GABRB1: variants seen among roughly 807,000 people sequenced by gnomAD.
The protein encoded by GABRB1 is gamma-aminobutyric acid type A receptor subunit beta1.
Under a neutral mutation model 51.6 loss-of-function variants are expected in GABRB1, and 17 were observed. That is an observed-to-expected ratio of 0.33 (90% CI 0.23 to 0.49). The LOEUF is 0.49. Among genes scored for constraint, GABRB1 ranks in the 20% least tolerant of loss-of-function variants. The probability of loss-of-function intolerance (pLI) is 0.99; values close to 1 mark genes in which losing one functional copy is unlikely to be tolerated. For synonymous variants in GABRB1, 247 were observed against 218.9 expected (o/e 1.13, Z -1.14); for missense variants, 410 against 600.6 (o/e 0.68, Z 3.32).
At chr4:47,092,913 G>A (rs960615213) in intron 3 of GABRB1, among the ~76,000 whole-genome samples, 2 of 152,074 alleles carry the variant, frequency 1.3e-5, no homozygotes, top group African/African-American at 2.4e-5. Context: ...GCGTCCCGCC[G>A]GCATACCAGT....
At chr4:47,299,861 C>T (rs55908551) in intron 4 of GABRB1, among the ~76,000 whole-genome samples, 86,511 of 150,570 alleles carry the variant, frequency 0.57, 24,826 homozygotes, top group East Asian at 0.68. Context: ...CAATGATAGA[C>T]TGGATTAAGA....
At chr4:47,142,125 C>T (rs770729792) in intron 3 of GABRB1, among the ~76,000 whole-genome samples, 1 of 151,720 alleles carries the variant, frequency 6.6e-6, no homozygotes, top group Non-Finnish European at 1.5e-5. Flanking sequence ...TAAAGGTAAG[C>T]CGAGGGTGCT....
intron 4 of GABRB1, 31 bp from the exon 5 acceptor site, chr4:47,320,096 T>C: frequency 7.2e-7 from 1 of 1,381,158 alleles, no homozygotes; most frequent in Non-Finnish European, 1.0e-6. Flanking sequence ...ACTTTTGTAA[T>C]GTTTTCTTTT....
At chr4:47,297,355 C>T (rs1724043539) in intron 4 of GABRB1, among the ~76,000 whole-genome samples, 1 of 119,686 alleles carries the variant, frequency 8.4e-6, no homozygotes, top group African/African-American at 3.2e-5. Context: ...AATTGATAGA[C>T]CGCTAGCAAG....
intron 3 of GABRB1, among the ~76,000 whole-genome samples, chr4:47,111,859 C>A (rs373275276): frequency 8.6e-5 from 13 of 151,976 alleles, no homozygotes; most frequent in African/African-American, 2.9e-4. Context: ...TGAGACCCTG[C>A]AATGCAACAA....
intron 4 of GABRB1, among the ~76,000 whole-genome samples, chr4:47,196,263 T>C (rs990253847): frequency 6.6e-6 from 1 of 152,248 alleles, no homozygotes; most frequent in Non-Finnish European, 1.5e-5. Context: ...TAGGCTGGGA[T>C]ATACGGTCAG....
At chr4:47,425,632 G>T (rs1729255244) in intron 8 of GABRB1, 42 bp from the exon 9 acceptor site, 1 of 1,464,572 alleles carries the variant, frequency 6.8e-7, no homozygotes, top group African/African-American at 1.4e-5. Flanking sequence ...AACAGGCAAA[G>T]GTCCTGCAAC....
At chr4:47,391,722 T>C (rs1421333006) in intron 5 of GABRB1, among the ~76,000 whole-genome samples, 1 of 152,166 alleles carries the variant, frequency 6.6e-6, no homozygotes, top group African/African-American at 2.4e-5. Context: ...ACCAAATAGG[T>C]CCCTCTATCA....
intron 4 of GABRB1, among the ~76,000 whole-genome samples, chr4:47,213,932 A>C (rs574019606): frequency 1.3e-5 from 2 of 151,028 alleles, no homozygotes; most frequent in Admixed American, 6.6e-5. Flanking sequence ...TTATTTTGTG[A>C]TTCTTTTCAT....
intron 3 of GABRB1, among the ~76,000 whole-genome samples, chr4:47,048,269 C>A (rs1726187168): frequency 6.6e-6 from 1 of 152,126 alleles, no homozygotes; most frequent in African/African-American, 2.4e-5. Flanking sequence ...TGAATTAAGT[C>A]TCTCTTCTTG....
intron 4 of GABRB1, among the ~76,000 whole-genome samples, chr4:47,239,573 G>A (rs1324246196): frequency 1.3e-5 from 2 of 152,238 alleles, no homozygotes; most frequent in East Asian, 3.9e-4. Context: ...GTCTAGAAAT[G>A]GCAAGTTTGC....
intron 8 of GABRB1, among the ~76,000 whole-genome samples, chr4:47,415,520 C>T (rs557442102): frequency 6.0e-4 from 92 of 152,250 alleles, no homozygotes; most frequent in African/African-American, 1.9e-3. Flanking sequence ...CATATTTTCA[C>T]GCAGAAGTCA....
At chr4:47,196,673 G>T (rs545445116) in intron 4 of GABRB1, among the ~76,000 whole-genome samples, 8 of 152,286 alleles carry the variant, frequency 5.3e-5, no homozygotes, top group Admixed American at 1.3e-4. Context: ...TAGACATGTT[G>T]TTAGAGTTCT....
At chr4:47,132,284 A>G (rs1716450146) in intron 3 of GABRB1, among the ~76,000 whole-genome samples, 2 of 152,182 alleles carry the variant, frequency 1.3e-5, no homozygotes, top group Non-Finnish European at 2.9e-5. Context: ...GAGAGATACC[A>G]TAATAACAAA....
intron 4 of GABRB1, among the ~76,000 whole-genome samples, chr4:47,292,727 A>G (rs1020746997): frequency 6.6e-5 from 10 of 152,196 alleles, no homozygotes; most frequent in African/African-American, 2.2e-4. Context: ...TGCGAAATCC[A>G]AGATTGAGGA....
intron 4 of GABRB1, among the ~76,000 whole-genome samples, chr4:47,188,153 T>A (rs1719265326): frequency 1.3e-5 from 2 of 151,892 alleles, no homozygotes; most frequent in African/African-American, 4.8e-5. Flanking sequence ...ACACAGTGGG[T>A]TTGGATGAAA....
At chr4:47,410,612 G>A (rs1728730804) in intron 8 of GABRB1, among the ~76,000 whole-genome samples, 1 of 152,134 alleles carries the variant, frequency 6.6e-6, no homozygotes, top group Non-Finnish European at 1.5e-5. Context: ...CTCGACACCT[G>A]AGTGTAAACT....
intron 3 of GABRB1, among the ~76,000 whole-genome samples, chr4:47,044,918 C>A (rs79065904): frequency 6.6e-6 from 1 of 152,118 alleles, no homozygotes; most frequent in African/African-American, 2.4e-5. Context: ...AGCAGAACCA[C>A]GTTACCACTC....
chr4:47,191,497 A>T (rs986232753), intron 4 of GABRB1, among the ~76,000 whole-genome samples: 1 of 152,130 alleles, frequency 6.6e-6, no homozygotes, highest in Non-Finnish European at 1.5e-5. Context: ...AAATACATGG[A>T]TTATGGTACA....
Sources: allele counts gnomAD v4.1 joint callset (sites outside exome capture counted in the v4.1 genomes callset), GRCh38; gene constraint gnomAD v4.1.1; transcripts MANE v1.5; gene names NCBI Gene and HGNC (gene_info 2026-07-23, HGNC 2026-07-21).